The following UNC45B variants were observed in gnomAD, a reference collection of about 807,000 sequenced individuals.
UNC45B encodes the protein unc-45 myosin chaperone B.
A neutral mutation model predicts 98.7 loss-of-function variants in UNC45B; 78 were observed. The ratio of observed to expected loss-of-function variants is 0.79; its 90% CI spans 0.66 to 0.95. The LOEUF (loss-of-function observed/expected upper bound fraction) is 0.95, where lower values mean the gene tolerates loss of function less well. Among genes scored for constraint, UNC45B ranks in the 40% least tolerant of loss-of-function variants. UNC45B has a pLI of 0.00. For synonymous variants in UNC45B, 462 were observed against 480.4 expected (o/e 0.96, Z 0.50); for missense variants, 1,225 against 1,184.9 (o/e 1.03, Z -0.50).
intron 14 of UNC45B, 115 bp from the exon 15 acceptor site, chr17:35,175,853 A>T: frequency 1.1e-6 from 1 of 922,202 alleles, no homozygotes; most frequent in Non-Finnish European, 1.7e-6. Flanking sequence ...CACTTTCCAT[A>T]GTCTCCCTTT....
chr17:35,161,578 G>T (rs763908633), intron 8 of UNC45B, among the ~76,000 whole-genome samples: 17 of 152,298 alleles, frequency 1.1e-4, no homozygotes, highest in Middle Eastern at 3.4e-3. Flanking sequence ...TTACTCCCCA[G>T]CCCTACTGAG....
At chr17:35,172,557 A>G (rs2092195283) in intron 13 of UNC45B, among the ~76,000 whole-genome samples, 1 of 152,196 alleles carries the variant, frequency 6.6e-6, no homozygotes, top group South Asian at 2.1e-4. Flanking sequence ...CCTCTGAATC[A>G]TTTTTGAAAG....
In UNC45B at chr17:35,159,515, A is replaced by C; in HGVS notation, c.949A>C (p.Asn317His). Residue 317 changes from asparagine to histidine, a missense_variant, in exon 8 of 20, where the codon AAC (asparagine) becomes CAC (histidine). Transcript: ENST00000394570. ...VPRKDLAIHDNSRTIYVVDNG... is the reference protein window; with the variant it reads ...VPRKDLAIHDHSRTIYVVDNG... ...CAGGAAGGACCTTGCCATTCATGACAACTCACGTACCATCTATGTGGTGGA... is the reference window on the plus strand; with the variant it reads ...CAGGAAGGACCTTGCCATTCATGACCACTCACGTACCATCTATGTGGTGGA... 1 of 1,614,114 alleles carries C rather than the reference A, an allele frequency of 6.2e-7. No homozygotes were observed. The highest frequency in any genetic ancestry group is 8.5e-7 in the Non-Finnish European group (1 of 1,179,994).
rs1450722766 is a variant in UNC45B, at chr17:35,152,971, A to G, written c.460A>G (p.Lys154Glu). Residue 154 changes from lysine to glutamate, a missense_variant, in exon 5 of 20, where the codon AAG becomes GAG. Physicochemically the swap from Lys to Glu is moderately conservative, Grantham distance 56 (BLOSUM62 1). Transcript: ENST00000394570. ...CTTGGATGAAAACAGTGAGGCTGAT[A>G]AGCGGGAAAAGGTGAGTGCTGGCCA... is the stretch of plus-strand genomic sequence containing the variant. Reference protein sequence around the residue: ...ILLDENSEADKREKAANNLIV... With the variant: ...ILLDENSEADEREKAANNLIV... The G allele has an allele frequency of 8.1e-6, 13 of 1,613,628 alleles. No homozygotes were observed. The highest frequency in any genetic ancestry group is 1.1e-5 in the Non-Finnish European group (13 of 1,179,760).
intron 17 of UNC45B, among the ~76,000 whole-genome samples, chr17:35,179,819 G>A (rs949287563): frequency 3.3e-5 from 5 of 151,998 alleles, no homozygotes; most frequent in South Asian, 2.1e-4. Flanking sequence ...GTTGATGGGC[G>A]CAGCAAGCCA....
intron 8 of UNC45B, among the ~76,000 whole-genome samples, chr17:35,162,274 T>C (rs2092107558): frequency 6.6e-6 from 1 of 152,156 alleles, no homozygotes; most frequent in Non-Finnish European, 1.5e-5. Context: ...TCTTGTGGGA[T>C]TGAGCCCTTA....
chr17:35,158,548 T>C (rs571463311), intron 7 of UNC45B, among the ~76,000 whole-genome samples: 57 of 152,314 alleles, frequency 3.7e-4, no homozygotes, highest in Non-Finnish European at 6.9e-4. Flanking sequence ...CAATCTTCCA[T>C]GACTTCCTTG....
Position 35,165,956 on chromosome 17 carries a change from G to A in UNC45B, c.1151+1790G>A, listed in dbSNP as rs577981833. On this transcript the variant is annotated intron_variant, in intron 9 of 19. Transcript: ENST00000394570. ...TCCATCTCAAAAAGAAAAAAGAAAG[G>A]CAAAAAGCTGCTGGCCAGGTGTGGT... Among the ~76,000 whole-genome samples the A allele has an allele frequency of 2.1e-4, 32 of 151,084 alleles. 1 individual carries two copies. The highest frequency in any genetic ancestry group is 3.8e-4 in the Non-Finnish European group (26 of 67,678).
intron 9 of UNC45B, among the ~76,000 whole-genome samples, chr17:35,166,086 T>TAAAAAAAAAAA (rs55844448): frequency 2.9e-4 from 17 of 58,114 alleles, no homozygotes; most frequent in African/African-American, 6.4e-4. Context: ...CCCTCATCTC[T>TAAAAAAAAAAA]AAAAAAAAAA....
rs1480097152 is a variant in UNC45B at position 35,168,348 on chromosome 17, T to C, written c.1439T>C (p.Ile480Thr). Reference protein sequence around the residue: ...YKTTKNEKIKIRTLVGLCKLG... With the variant: ...YKTTKNEKIKTRTLVGLCKLG... Reference sequence around the variant, plus strand: ...ACCACCAAAAATGAGAAGATCAAGATCCGCACACTGGTGGTGAGTGGGCTC... The same window carrying C: ...ACCACCAAAAATGAGAAGATCAAGACCCGCACACTGGTGGTGAGTGGGCTC... Residue 480 changes from isoleucine (I) to threonine (T), a missense_variant, in exon 10 of 20, where the codon ATC (isoleucine) becomes ACC (threonine). Ile to Thr is a moderately conservative substitution (Grantham distance 89). Transcript: ENST00000394570. 2 of 1,363,164 alleles carry C rather than the reference T, an allele frequency of 1.5e-6. No individual in the cohort carries two copies. Among genetic ancestry groups the C allele is most frequent in the African/African-American group, 1.5e-5 (1 of 67,252 alleles). The allele number at this position is 1,363,164 out of a possible 1,614,324, so 84.4% of individuals were successfully genotyped here.
chr17:35,149,915 T>A, intron 3 of UNC45B, 133 bp from the exon 4 acceptor site: 1 of 937,504 alleles, frequency 1.1e-6, no homozygotes, highest in East Asian at 2.9e-5. Flanking sequence ...GGCCAGAGAG[T>A]CCACATGGAT....
intron 8 of UNC45B, among the ~76,000 whole-genome samples, chr17:35,162,239 G>A (rs1195200235): frequency 6.6e-6 from 1 of 152,142 alleles, no homozygotes; most frequent in East Asian, 1.9e-4. Flanking sequence ...ACTTGGACTT[G>A]AGGCTGGCAT....
At position 35,159,453 on chromosome 17, in the gene UNC45B, G is replaced by A. The variant is rs1344363810; in HGVS notation, c.887G>A (p.Arg296Lys). ...AGCAAGAAGGTGTCTGGCCAGGGCA[G>A]GGATCAGGCGCTGAACCTGCTCAAT... ...LVSKKVSGQG[R>K]DQALNLLNKN... The change falls in exon 8 of 20, where the codon AGG becomes AAG. Residue 296 changes from arginine (R) to lysine (K), a missense_variant. Coordinates refer to ENST00000394570, the MANE Select transcript of UNC45B (RefSeq NM_001267052.2). 1.2e-6 allele frequency: 2 copies of A among 1,614,168 alleles called. No individual in the cohort carries two copies. The highest frequency in any genetic ancestry group is 2.2e-5 in the South Asian group (2 of 91,066).
At chr17:35,155,706 AC>A (rs1361540357) in intron 7 of UNC45B, among the ~76,000 whole-genome samples, 1 of 152,102 alleles carries the variant, frequency 6.6e-6, no homozygotes, top group Non-Finnish European at 1.5e-5. Flanking sequence ...AGTATCTGGG[AC>A]TACAGGCACA....
intron 16 of UNC45B, 51 bp downstream of exon 16, chr17:35,177,181 C>A: frequency 6.6e-7 from 1 of 1,509,468 alleles, no homozygotes; most frequent in South Asian, 1.1e-5. Context: ...CTCCTTTGCT[C>A]CTAGAGGCCT....
chr17:35,164,902 T>C (rs1013122903), intron 9 of UNC45B, among the ~76,000 whole-genome samples: 2 of 151,596 alleles, frequency 1.3e-5, no homozygotes, highest in African/African-American at 4.9e-5. Context: ...TTTTTTTTTT[T>C]CTGTCACCCG....
chr17:35,156,194 A>G (rs904206777), intron 7 of UNC45B, among the ~76,000 whole-genome samples: 1 of 152,192 alleles, frequency 6.6e-6, no homozygotes, highest in Non-Finnish European at 1.5e-5. Flanking sequence ...AGAGGATGGA[A>G]GAGGGGAAAT....
At chr17:35,164,928 G>A (rs2092127978) in intron 9 of UNC45B, among the ~76,000 whole-genome samples, 2 of 151,692 alleles carry the variant, frequency 1.3e-5, no homozygotes, top group South Asian at 2.1e-4. Context: ...GAGTGCAGTG[G>A]CATGATCATG....
intron 13 of UNC45B, 70 bp from the exon 14 acceptor site, chr17:35,174,172 T>C (rs1017870697): frequency 7.0e-5 from 111 of 1,596,648 alleles, no homozygotes; most frequent in Non-Finnish European, 9.2e-5. Flanking sequence ...AAATGCACCA[T>C]CTTTGGTTCC....
Sources: gnomAD v4.1 joint callset for allele counts (sites outside exome capture counted in the v4.1 genomes callset) on GRCh38, gnomAD v4.1.1 for gene constraint, MANE v1.5 for transcripts, NCBI Gene and HGNC (gene_info 2026-07-23, HGNC 2026-07-21) for gene names.